PCDH15: variants seen among roughly 807,000 people sequenced by gnomAD.
PCDH15 encodes protocadherin related 15.
PCDH15 carries 129 observed loss-of-function variants against 178.5 expected under a neutral mutation model. The observed-to-expected ratio is 0.72, with a 90% confidence interval of 0.63 to 0.84. The LOEUF is 0.84. Ranked by LOEUF, PCDH15 falls within the 40% of genes least tolerant of loss-of-function variation. The pLI, the probability that PCDH15 is intolerant of heterozygous loss-of-function variation, is 0.00. For synonymous variants in PCDH15, 800 were observed against 732.0 expected (o/e 1.09, Z -1.50); for missense variants, 2,230 against 2,099.9 (o/e 1.06, Z -1.21).
intron 2 of PCDH15, among the ~76,000 whole-genome samples, chr10:55,480,330 T>G (rs1275059161): frequency 6.6e-6 from 1 of 151,716 alleles, no homozygotes; most frequent in Non-Finnish European, 1.5e-5. Flanking sequence ...TTTCTTTCTC[T>G]TGCCTGATTG....
At chr10:55,021,440 CA>C (rs1461988666) in intron 2 of PCDH15, among the ~76,000 whole-genome samples, 3 of 152,116 alleles carry the variant, frequency 2.0e-5, no homozygotes, top group African/African-American at 7.2e-5. Flanking sequence ...TGGAGAGGAG[CA>C]AGTCACTATG....
intron 2 of PCDH15, among the ~76,000 whole-genome samples, chr10:54,608,590 G>A (rs2092850589): frequency 6.6e-6 from 1 of 152,000 alleles, no homozygotes; most frequent in African/African-American, 2.4e-5. Flanking sequence ...CAGCCTGGGT[G>A]ACAGAGACCC....
At chr10:54,960,997 A>G (rs1183330740) in intron 2 of PCDH15, among the ~76,000 whole-genome samples, 1 of 152,248 alleles carries the variant, frequency 6.6e-6, no homozygotes, top group Non-Finnish European at 1.5e-5. Context: ...TGCTTAAAAC[A>G]AATCAATGCA....
intron 2 of PCDH15, among the ~76,000 whole-genome samples, chr10:54,910,429 C>CTGCT (rs2131834000): frequency 6.6e-6 from 1 of 152,254 alleles, no homozygotes; most frequent in Admixed American, 6.5e-5. Context: ...GTTTAATGGA[C>CTGCT]TGCTTTGTTT....
chr10:54,545,961 G>A (rs2085806073), intron 2 of PCDH15, among the ~76,000 whole-genome samples: 1 of 152,368 alleles, frequency 6.6e-6, no homozygotes, highest in Admixed American at 6.5e-5. Context: ...AAAGGAACAA[G>A]TGAGCCAAAG....
intron 1 of PCDH15, among the ~76,000 whole-genome samples, chr10:55,224,286 T>G (rs1273286136): frequency 6.6e-6 from 1 of 152,124 alleles, no homozygotes; most frequent in East Asian, 1.9e-4. Context: ...TGTATCTATA[T>G]CCTTTGCAAT....
chr10:54,055,623 G>A (rs1354474583), intron 18 of PCDH15, among the ~76,000 whole-genome samples: 2 of 152,044 alleles, frequency 1.3e-5, no homozygotes, highest in African/African-American at 4.8e-5. Flanking sequence ...ACAAAGGCCA[G>A]ACACCTCTGA....
chr10:55,547,625 G>A (rs759705035), intron 2 of PCDH15, among the ~76,000 whole-genome samples: 22 of 151,952 alleles, frequency 1.4e-4, no homozygotes, highest in Admixed American at 1.3e-4. Context: ...CACAAATATG[G>A]ATCTCTTCCA....
At chr10:53,896,690 T>G (rs1485002733) in intron 26 of PCDH15, among the ~76,000 whole-genome samples, 1 of 152,162 alleles carries the variant, frequency 6.6e-6, no homozygotes, top group African/African-American at 2.4e-5. Context: ...CTACTCTTCA[T>G]GGCTCACATA....
chr10:55,515,927 G>A (rs1162267418), intron 2 of PCDH15, among the ~76,000 whole-genome samples: 2 of 152,098 alleles, frequency 1.3e-5, no homozygotes, highest in Admixed American at 6.6e-5. Context: ...TGTGTTGTAG[G>A]AATTCAGATT....
chr10:54,835,504 A>C (rs1953300510), intron 3 of PCDH15, among the ~76,000 whole-genome samples: 1 of 152,124 alleles, frequency 6.6e-6, no homozygotes, highest in Admixed American at 6.6e-5. Context: ...ATTCTCCTAC[A>C]GTCATAGACA....
chr10:53,895,791 A>G (rs934450194), intron 26 of PCDH15, among the ~76,000 whole-genome samples: 2 of 152,206 alleles, frequency 1.3e-5, no homozygotes, highest in African/African-American at 4.8e-5. Flanking sequence ...GTTCATCTCA[A>G]GTTGAAAAGA....
chr10:54,876,041 T>C (rs1208660194), intron 3 of PCDH15, among the ~76,000 whole-genome samples: 1 of 152,122 alleles, frequency 6.6e-6, no homozygotes, highest in Non-Finnish European at 1.5e-5. Context: ...CTAACTCCCT[T>C]GTTAGAAGCT....
At position 54,351,343 on chromosome 10, in the gene PCDH15, A is replaced by G. The variant is rs1944150958; in HGVS notation, c.475-4859T>C. 2.6e-5 allele frequency among the ~76,000 whole-genome samples: 4 copies of G among 152,152 alleles called. 1 individual carries two copies. The South Asian group carries it at 8.3e-4, about 31-fold the overall frequency. On this transcript the variant is annotated intron_variant, in intron 5 of 37. Transcript: ENST00000644397. ...GTAGCATTGAAATGTATGCAAAAAC[A>G]GAGTGTTAGTAGTGAACTGAAATAA...
chr10:54,657,517 A>G (rs921912714), intron 2 of PCDH15, among the ~76,000 whole-genome samples: 9 of 152,340 alleles, frequency 5.9e-5, no homozygotes, highest in African/African-American at 1.9e-4. Flanking sequence ...CTGTACTCTC[A>G]GCCTCGCAGG....
intron 2 of PCDH15, among the ~76,000 whole-genome samples, chr10:55,056,532 TTC>T (rs202046962): frequency 0.047 from 300 of 6,326 alleles, 3 homozygotes; most frequent in African/African-American, 0.11. Context: ...AGTTTCCATT[TTC>T]TCTCTCTCTA....
At chr10:55,451,631 T>A (rs538584453) in intron 2 of PCDH15, among the ~76,000 whole-genome samples, 31 of 152,328 alleles carry the variant, frequency 2.0e-4, no homozygotes, top group African/African-American at 7.2e-4. Context: ...AATGAATTCA[T>A]TCAGAAGCTC....
intron 3 of PCDH15, among the ~76,000 whole-genome samples, chr10:54,478,427 AAT>A (rs1425296568): frequency 3.3e-5 from 5 of 152,152 alleles, no homozygotes; most frequent in Non-Finnish European, 7.3e-5. Flanking sequence ...ACCAAAATTC[AAT>A]GTTATTCATA....
intron 3 of PCDH15, among the ~76,000 whole-genome samples, chr10:54,421,910 CACTAT>C (rs1565232117): frequency 0.023 from 2,463 of 107,242 alleles, 161 homozygotes; most frequent in African/African-American, 0.075. Context: ...TATATATATA[CACTAT>C]ATATATATAT....
Sources: gnomAD v4.1 joint callset for allele counts (sites outside exome capture counted in the v4.1 genomes callset) on GRCh38, gnomAD v4.1.1 for gene constraint, MANE v1.5 for transcripts, NCBI Gene and HGNC (gene_info 2026-07-23, HGNC 2026-07-21) for gene names.